OPCML: variants seen among roughly 807,000 people sequenced by gnomAD.
The protein encoded by OPCML is opioid-binding protein/cell adhesion molecule.
A neutral mutation model predicts 37.8 loss-of-function variants in OPCML; 13 were observed. That is an observed-to-expected ratio of 0.34 (90% CI 0.22 to 0.55). The LOEUF is 0.55. Among genes scored for constraint, OPCML ranks in the 20% least tolerant of loss-of-function variants. The pLI is 0.91. For missense variants in OPCML, 341 were observed against 435.6 expected (o/e 0.78, Z 1.93); for synonymous variants, 176 against 168.8 (o/e 1.04, Z -0.33).
chr11:132,944,283 C>G (rs762791619), intron 1 of OPCML, among the ~76,000 whole-genome samples: 1 of 152,190 alleles, frequency 6.6e-6, no homozygotes, highest in East Asian at 1.9e-4. Flanking sequence ...CTTCCCTCGC[C>G]GATGCCAGCG....
chr11:132,902,417 C>T (rs1944095475), intron 2 of OPCML, among the ~76,000 whole-genome samples: 1 of 152,168 alleles, frequency 6.6e-6, no homozygotes, highest in Non-Finnish European at 1.5e-5. Flanking sequence ...CTGGCACATG[C>T]TGGGTGTGCA....
intron 1 of OPCML, among the ~76,000 whole-genome samples, chr11:132,991,049 A>T (rs1030125957): frequency 6.6e-6 from 1 of 152,210 alleles, no homozygotes; most frequent in African/African-American, 2.4e-5. Flanking sequence ...AGCAAACCAT[A>T]ATTCTGACCT....
intron 1 of OPCML, among the ~76,000 whole-genome samples, chr11:133,442,888 C>A (rs1946393732): frequency 6.6e-6 from 1 of 151,958 alleles, no homozygotes; most frequent in East Asian, 1.9e-4. Flanking sequence ...ATGGGTCTTG[C>A]TTGACAGAGA....
At chr11:132,532,473 C>A (rs2096328430) in intron 3 of OPCML, among the ~76,000 whole-genome samples, 1 of 152,112 alleles carries the variant, frequency 6.6e-6, no homozygotes, top group African/African-American at 2.4e-5. Flanking sequence ...AAGATCCTTA[C>A]AAATGGTGAG....
chr11:133,140,531 T>TAATAAGAAGAAGAAGAAG lies in OPCML; in HGVS notation c.62-197522_62-197521insCTTCTTCTTCTTCTTATT, dbSNP rs1272061685. Among the ~76,000 whole-genome samples, 862 of 88,042 alleles carry TAATAAGAAGAAGAAGAAG rather than the reference T, an allele frequency of 9.8e-3. 8 individuals carry two copies. Among genetic ancestry groups the TAATAAGAAGAAGAAGAAG allele is most frequent in the Middle Eastern group, 0.014 (2 of 146 alleles). The allele number at this position is 88,042 out of a possible 152,430, so 57.8% of individuals were successfully genotyped here. On this transcript the variant is annotated intron_variant, in intron 1 of 7. Coordinates refer to ENST00000524381, the MANE Select transcript of OPCML (RefSeq NM_001012393.5). ...TGTCTCAAAATAATAATAATAATAA[T>TAATAAGAAGAAGAAGAAG]AAGAAGAAGAAGAAGAAGAAGAAGA...
chr11:132,861,853 A>C (rs1019204359), intron 2 of OPCML, among the ~76,000 whole-genome samples: 4 of 152,094 alleles, frequency 2.6e-5, no homozygotes, highest in Middle Eastern at 3.4e-3. Context: ...AAAAAAAAAA[A>C]AAACAAAAAC....
intron 1 of OPCML, among the ~76,000 whole-genome samples, chr11:133,059,406 T>G (rs1316955380): frequency 2.6e-5 from 4 of 152,126 alleles, no homozygotes; most frequent in African/African-American, 9.7e-5. Flanking sequence ...TTCTTCACTG[T>G]GTTGATATTT....
chr11:133,187,388 C>T (rs1366316548), intron 1 of OPCML, among the ~76,000 whole-genome samples: 3 of 152,120 alleles, frequency 2.0e-5, no homozygotes, highest in Non-Finnish European at 4.4e-5. Context: ...TTGGGATGAT[C>T]CACTCTGCAG....
chr11:132,515,522 G>A (rs1591490730), intron 4 of OPCML, among the ~76,000 whole-genome samples: 1 of 152,150 alleles, frequency 6.6e-6, no homozygotes, highest in South Asian at 2.1e-4. Context: ...GCCCAGGTTC[G>A]AAGTGAAAAT....
intron 3 of OPCML, among the ~76,000 whole-genome samples, chr11:132,544,889 G>C (rs75645000): frequency 0.015 from 2,323 of 152,256 alleles, 54 homozygotes; most frequent in African/African-American, 0.048. Flanking sequence ...ACTCAGGGAA[G>C]CTGGTAGGAG....
At chr11:133,266,617 T>A (rs1941666981) in intron 1 of OPCML, among the ~76,000 whole-genome samples, 2 of 152,174 alleles carry the variant, frequency 1.3e-5, no homozygotes, top group Non-Finnish European at 1.5e-5. Flanking sequence ...TGGCATGTAT[T>A]AGGATCTCAA....
intron 3 of OPCML, among the ~76,000 whole-genome samples, chr11:132,595,944 C>T (rs893323535): frequency 6.6e-6 from 1 of 152,012 alleles, no homozygotes; most frequent in African/African-American, 2.4e-5. Context: ...AGGTACTTAC[C>T]CTCTATTGTA....
chr11:132,756,710 T>A (rs578261846), intron 2 of OPCML, among the ~76,000 whole-genome samples: 28 of 152,342 alleles, frequency 1.8e-4, no homozygotes, highest in African/African-American at 6.7e-4. Flanking sequence ...AACTTCTATG[T>A]TAATTAACTC....
chr11:133,160,469 C>A (rs1950126888), intron 1 of OPCML, among the ~76,000 whole-genome samples: 1 of 152,188 alleles, frequency 6.6e-6, no homozygotes, highest in South Asian at 2.1e-4. Flanking sequence ...TGGAAACTGA[C>A]CTGCTTGCTA....
chr11:133,285,203 A>G (rs774958403), intron 1 of OPCML, among the ~76,000 whole-genome samples: 8 of 152,200 alleles, frequency 5.3e-5, no homozygotes, highest in Non-Finnish European at 1.0e-4. Context: ...AGAAGACGTC[A>G]GTGGCTGAGC....
chr11:132,900,652 C>T (rs1944025571), intron 2 of OPCML, among the ~76,000 whole-genome samples: 1 of 152,200 alleles, frequency 6.6e-6, no homozygotes. Flanking sequence ...CTGTGACCTC[C>T]AGCTCCATTG....
At chr11:133,452,211 T>C (rs572539681) in intron 1 of OPCML, among the ~76,000 whole-genome samples, 1 of 151,764 alleles carries the variant, frequency 6.6e-6, no homozygotes, top group South Asian at 2.1e-4. Flanking sequence ...AGTATTTTAA[T>C]AGTAGTTATT....
chr11:132,810,407 A>G (rs1057455503), intron 2 of OPCML, among the ~76,000 whole-genome samples: 3 of 152,182 alleles, frequency 2.0e-5, no homozygotes, highest in African/African-American at 7.2e-5. Context: ...CTAGACTCAG[A>G]TCAGAAGCAA....
chr11:133,076,761 A>T (rs547471136), intron 1 of OPCML, among the ~76,000 whole-genome samples: 105 of 152,022 alleles, frequency 6.9e-4, no homozygotes, highest in Middle Eastern at 3.4e-3. Flanking sequence ...AAGCTAAGTG[A>T]CTCTCCAGCT....
Sources: allele counts gnomAD v4.1 joint callset (sites outside exome capture counted in the v4.1 genomes callset), GRCh38; gene constraint gnomAD v4.1.1; transcripts MANE v1.5; gene names NCBI Gene and HGNC (gene_info 2026-07-23, HGNC 2026-07-21).